The following ZFPM2 variants were observed in gnomAD, a reference collection of about 807,000 sequenced individuals.
ZFPM2 encodes the protein zinc finger protein ZFPM2.
In ZFPM2, 20 loss-of-function variants were observed where a neutral mutation model predicts 98.6. The observed-to-expected ratio is 0.20, with a 90% CI of 0.14 to 0.29. The LOEUF (loss-of-function observed/expected upper bound fraction) is 0.29. Ranked by LOEUF, ZFPM2 falls within the 10% of genes least tolerant of loss-of-function variation. The pLI is 1.00. For synonymous variants in ZFPM2, 518 were observed against 502.7 expected (o/e 1.03, Z -0.41); for missense variants, 1,310 against 1,388.6 (o/e 0.94, Z 0.90).
chr8:105,628,985 G>A (rs1047015670), intron 4 of ZFPM2, among the ~76,000 whole-genome samples: 35 of 152,196 alleles, frequency 2.3e-4, no homozygotes, highest in African/African-American at 7.2e-4. Flanking sequence ...ACTGTAACAA[G>A]CCCTCTTGGG....
At chr8:105,676,323 T>G (rs1200436912) in intron 5 of ZFPM2, among the ~76,000 whole-genome samples, 1 of 152,158 alleles carries the variant, frequency 6.6e-6, no homozygotes, top group Non-Finnish European at 1.5e-5. Flanking sequence ...AAAAATTGAG[T>G]TGTGGAAGAT....
At chr8:105,489,114 A>G (rs1261293824) in intron 3 of ZFPM2, among the ~76,000 whole-genome samples, 2 of 152,064 alleles carry the variant, frequency 1.3e-5, no homozygotes, top group African/African-American at 4.8e-5. Flanking sequence ...CCATGAAGGT[A>G]TAATATAGCA....
At chr8:105,635,324 A>C (rs1413961494) in intron 5 of ZFPM2, among the ~76,000 whole-genome samples, 1 of 152,072 alleles carries the variant, frequency 6.6e-6, no homozygotes, top group Admixed American at 6.6e-5. Flanking sequence ...AACATCAAAG[A>C]CTCTTAAAAA....
intron 1 of ZFPM2, among the ~76,000 whole-genome samples, chr8:105,341,455 A>G (rs867089537): frequency 6.6e-5 from 10 of 151,904 alleles, no homozygotes; most frequent in African/African-American, 2.4e-4. Context: ...ATAACATTAA[A>G]AATATATACT....
At position 105,624,573 on chromosome 8, in the gene ZFPM2, A is replaced by G. The variant is rs1288783103; in HGVS notation, c.421-9673A>G. Among the ~76,000 whole-genome samples the G allele has an allele frequency of 2.0e-5, 3 of 152,322 alleles. No individual in the cohort carries two copies. In the East Asian group the frequency reaches 5.8e-4, roughly 29 times the overall value. The stretch of plus-strand genomic sequence containing the variant: ...GAGATTCTTCCCATTTGAAAATGAA[A>G]TATCTATATCTTTAGAGTGAGTAAT... On this transcript the variant is annotated intron_variant, in intron 4 of 7. Transcript: ENST00000407775.
intron 3 of ZFPM2, among the ~76,000 whole-genome samples, chr8:105,448,271 A>C (rs1812415404): frequency 6.6e-6 from 1 of 151,864 alleles, no homozygotes; most frequent in African/African-American, 2.4e-5. Context: ...GCTCTTCACT[A>C]TTCTGGTTTT....
intron 3 of ZFPM2, among the ~76,000 whole-genome samples, chr8:105,457,789 C>A (rs1349579750): frequency 6.6e-6 from 1 of 152,136 alleles, no homozygotes. Context: ...CCCAGCTATA[C>A]CTGCTACCTG....
chr8:105,532,611 C>T (rs1814320896), intron 3 of ZFPM2, among the ~76,000 whole-genome samples: 1 of 152,124 alleles, frequency 6.6e-6, no homozygotes, highest in Non-Finnish European at 1.5e-5. Flanking sequence ...GAATAGAGTG[C>T]TTGCCTCATA....
At chr8:105,377,359 G>A (rs539298431) in intron 1 of ZFPM2, among the ~76,000 whole-genome samples, 11 of 151,532 alleles carry the variant, frequency 7.3e-5, no homozygotes, top group East Asian at 3.9e-4. Flanking sequence ...GCTTACTATC[G>A]CCTCCCTCTA....
At chr8:105,764,229 G>T (rs1188968710) in intron 5 of ZFPM2, among the ~76,000 whole-genome samples, 1 of 149,732 alleles carries the variant, frequency 6.7e-6, no homozygotes, top group Non-Finnish European at 1.5e-5. Context: ...GTAGGATTTT[G>T]GTGGTAAAGC....
At chr8:105,330,611 C>CATATATATAT (rs1431850180) in intron 1 of ZFPM2, among the ~76,000 whole-genome samples, 59 of 76,154 alleles carry the variant, frequency 7.7e-4, no homozygotes, top group Non-Finnish European at 9.3e-4. Flanking sequence ...TATATATATA[C>CATATATATAT]ACATATATAT....
chr8:105,402,189 A>G (rs1811354749), intron 1 of ZFPM2, among the ~76,000 whole-genome samples: 1 of 152,144 alleles, frequency 6.6e-6, no homozygotes, highest in Middle Eastern at 3.4e-3. Flanking sequence ...GACTTGTAAA[A>G]TCTTGCCTGT....
intron 4 of ZFPM2, among the ~76,000 whole-genome samples, chr8:105,597,533 A>G (rs531468005): frequency 6.6e-6 from 1 of 152,266 alleles, no homozygotes; most frequent in African/African-American, 2.4e-5. Context: ...TGTTAAATAA[A>G]AGTAGTCATT....
chr8:105,683,510 G>A (rs1008073680), intron 5 of ZFPM2, among the ~76,000 whole-genome samples: 1 of 152,108 alleles, frequency 6.6e-6, no homozygotes, highest in African/African-American at 2.4e-5. Context: ...TACACAAAAT[G>A]TCTGAGTATA....
At chr8:105,683,658 C>T (rs1378082842) in intron 5 of ZFPM2, among the ~76,000 whole-genome samples, 3 of 152,128 alleles carry the variant, frequency 2.0e-5, no homozygotes, top group East Asian at 3.9e-4. Flanking sequence ...ACCAAAACTA[C>T]CTCTTTCCTT....
At chr8:105,535,968 A>G (rs1323576329) in intron 3 of ZFPM2, among the ~76,000 whole-genome samples, 1 of 152,174 alleles carries the variant, frequency 6.6e-6, no homozygotes, top group Non-Finnish European at 1.5e-5. Flanking sequence ...TTAATTAGAG[A>G]TGGGAACTTG....
chr8:105,512,054 A>G (rs1813828564), intron 3 of ZFPM2, among the ~76,000 whole-genome samples: 1 of 152,134 alleles, frequency 6.6e-6, no homozygotes, highest in Non-Finnish European at 1.5e-5. Context: ...GCTGAGGCAG[A>G]GAGTTTCTTG....
At chr8:105,691,837 C>T (rs80215903) in intron 5 of ZFPM2, among the ~76,000 whole-genome samples, 4,276 of 152,180 alleles carry the variant, frequency 0.028, 62 homozygotes, top group Admixed American at 0.04. Context: ...AAAAACTATG[C>T]GCTCCTTTAG....
intron 5 of ZFPM2, among the ~76,000 whole-genome samples, chr8:105,710,211 A>T (rs1811350732): frequency 6.6e-6 from 1 of 152,118 alleles, no homozygotes; most frequent in African/African-American, 2.4e-5. Flanking sequence ...TCAAAATCTC[A>T]GTGGTCTGTA....
Sources: gnomAD v4.1 joint callset for allele counts (sites outside exome capture counted in the v4.1 genomes callset) on GRCh38, gnomAD v4.1.1 for gene constraint, MANE v1.5 for transcripts, NCBI Gene and HGNC (gene_info 2026-07-23, HGNC 2026-07-21) for gene names.